OPCML: variants seen among roughly 807,000 people sequenced by gnomAD.
OPCML encodes opioid-binding protein/cell adhesion molecule.
OPCML carries 13 observed loss-of-function variants against 37.8 expected under a neutral mutation model. That is an observed-to-expected ratio of 0.34 (90% CI 0.22 to 0.55). OPCML has a LOEUF of 0.55. Ranked by LOEUF, OPCML falls within the 20% of genes least tolerant of loss-of-function variation. The probability of loss-of-function intolerance (pLI) is 0.91; values close to 1 mark genes in which losing one functional copy is unlikely to be tolerated. For missense variants in OPCML, 341 were observed against 435.6 expected, an observed-to-expected ratio of 0.78 and a Z score of 1.93; for synonymous variants, 176 against 168.8, an observed-to-expected ratio of 1.04 and a Z score of -0.33.
At chr11:133,393,089 C>T (rs956674202) in intron 1 of OPCML, among the ~76,000 whole-genome samples, 1 of 150,802 alleles carries the variant, frequency 6.6e-6, no homozygotes, top group African/African-American at 2.5e-5. Flanking sequence ...TTTAAAACAG[C>T]CCCTACATAT....
In OPCML at chr11:132,702,619, G is replaced by C. The variant is rs574298426; in HGVS notation, c.147-45300C>G. ...TCATTTTCCTCTCCAGATTTGGGAA[G>C]TTTTTTGTCATTTTTCCCTTAAGCA... On this transcript the variant is annotated intron_variant, in intron 2 of 7. Transcript: ENST00000524381. 4.0e-4 allele frequency among the ~76,000 whole-genome samples: 61 copies of C among 152,162 alleles called. No individual in the cohort carries two copies. In the South Asian group the frequency reaches 0.011, roughly 28 times the overall value.
At chr11:132,985,634 A>G (rs1200651583) in intron 1 of OPCML, among the ~76,000 whole-genome samples, 6 of 152,214 alleles carry the variant, frequency 3.9e-5, no homozygotes, top group Admixed American at 3.9e-4. Context: ...CATATGATGC[A>G]AAATCTCTTC....
intron 1 of OPCML, among the ~76,000 whole-genome samples, chr11:133,438,145 A>G (rs1946282989): frequency 6.6e-6 from 1 of 152,210 alleles, no homozygotes; most frequent in African/African-American, 2.4e-5. Flanking sequence ...AAAATCCCAG[A>G]TGTTCTCAAC....
At chr11:132,809,885 C>T (rs1039046066) in intron 2 of OPCML, among the ~76,000 whole-genome samples, 8 of 152,104 alleles carry the variant, frequency 5.3e-5, no homozygotes, top group African/African-American at 1.9e-4. Context: ...GTATCTTGCT[C>T]TGTCGCCAGG....
At chr11:132,525,416 A>G (rs761025457) in intron 4 of OPCML, among the ~76,000 whole-genome samples, 1 of 152,192 alleles carries the variant, frequency 6.6e-6, no homozygotes, top group Non-Finnish European at 1.5e-5. Context: ...TTTAAATCAT[A>G]TATTTCAAAT....
At chr11:132,479,436 C>T (rs552038333) in intron 4 of OPCML, among the ~76,000 whole-genome samples, 5 of 152,308 alleles carry the variant, frequency 3.3e-5, no homozygotes, top group African/African-American at 9.6e-5. Context: ...AAGGCAGCAG[C>T]GAGGCTGGGG....
At chr11:132,631,375 ATC>A (rs1555166976) in intron 3 of OPCML, among the ~76,000 whole-genome samples, 3 of 139,592 alleles carry the variant, frequency 2.1e-5, no homozygotes, top group Non-Finnish European at 4.7e-5. Context: ...ATATATATAT[ATC>A]TCCTAGGTGT....
At chr11:132,719,217 C>T (rs1018581001) in intron 2 of OPCML, among the ~76,000 whole-genome samples, 1 of 152,214 alleles carries the variant, frequency 6.6e-6, no homozygotes, top group African/African-American at 2.4e-5. Context: ...GGTGGCCTTC[C>T]GCGTTTTCGT....
chr11:133,183,838 A>G (rs1937950136), intron 1 of OPCML, among the ~76,000 whole-genome samples: 1 of 152,212 alleles, frequency 6.6e-6, no homozygotes, highest in Non-Finnish European at 1.5e-5. Context: ...TAAAGAGAAA[A>G]GTAACCCTGA....
chr11:132,446,363 G>T (rs956498599), intron 4 of OPCML, among the ~76,000 whole-genome samples: 3 of 151,692 alleles, frequency 2.0e-5, no homozygotes, highest in Non-Finnish European at 2.9e-5. Flanking sequence ...AAGAGAGAGA[G>T]AGAATGAGGA....
intron 2 of OPCML, among the ~76,000 whole-genome samples, chr11:132,726,292 CA>C (rs1264643066): frequency 6.6e-6 from 1 of 152,154 alleles, no homozygotes; most frequent in African/African-American, 2.4e-5. Flanking sequence ...GAACAAGTCA[CA>C]TCTTACATGG....
At chr11:132,582,578 T>A (rs1026168162) in intron 3 of OPCML, among the ~76,000 whole-genome samples, 1 of 152,052 alleles carries the variant, frequency 6.6e-6, no homozygotes, top group Non-Finnish European at 1.5e-5. Context: ...AATATTCAAC[T>A]AAACAAGTGA....
At chr11:133,255,523 C>A (rs61912369) in intron 1 of OPCML, among the ~76,000 whole-genome samples, 3,976 of 152,144 alleles carry the variant, frequency 0.026, 80 homozygotes, top group Middle Eastern at 0.068. Flanking sequence ...CAATTTATAA[C>A]AAAGCCAAAA....
chr11:132,856,039 AAGG>A (rs1373444547), intron 2 of OPCML, among the ~76,000 whole-genome samples: 3 of 152,194 alleles, frequency 2.0e-5, no homozygotes, highest in East Asian at 1.9e-4. Context: ...TTGCTTCTCT[AAGG>A]AGGAGTGCTT....
At chr11:133,513,902 C>G (rs773993198) in intron 1 of OPCML, among the ~76,000 whole-genome samples, 1 of 152,126 alleles carries the variant, frequency 6.6e-6, no homozygotes, top group Non-Finnish European at 1.5e-5. Context: ...TTGTTGTTGT[C>G]AGGAACACAG....
chr11:132,461,487 A>G (rs1031435569), intron 4 of OPCML, among the ~76,000 whole-genome samples: 2 of 152,158 alleles, frequency 1.3e-5, no homozygotes, highest in Non-Finnish European at 2.9e-5. Flanking sequence ...GACGCTATAC[A>G]TCTCTTCAAT....
intron 4 of OPCML, among the ~76,000 whole-genome samples, chr11:132,474,178 C>A (rs1009905371): frequency 6.6e-6 from 1 of 152,142 alleles, no homozygotes; most frequent in African/African-American, 2.4e-5. Flanking sequence ...ATCACAGAGT[C>A]AGAAACATTA....
At chr11:132,825,647 G>A (rs1414403323) in intron 2 of OPCML, among the ~76,000 whole-genome samples, 6 of 152,148 alleles carry the variant, frequency 3.9e-5, no homozygotes, top group African/African-American at 1.2e-4. Context: ...CTTGGAAGGC[G>A]GGTTGAAAAT....
intron 4 of OPCML, among the ~76,000 whole-genome samples, chr11:132,528,302 A>G (rs904687028): frequency 1.3e-5 from 2 of 152,050 alleles, no homozygotes; most frequent in Non-Finnish European, 2.9e-5. Flanking sequence ...ACTTGGTTTC[A>G]TGTTTGAATG....
Sources: gnomAD v4.1 joint callset for allele counts (sites outside exome capture counted in the v4.1 genomes callset) on GRCh38, gnomAD v4.1.1 for gene constraint, MANE v1.5 for transcripts, NCBI Gene and HGNC (gene_info 2026-07-23, HGNC 2026-07-21) for gene names.